Variants in ANO2 observed in about 807,000 individuals in gnomAD.
The protein encoded by ANO2 is anoctamin-2.
ANO2 carries 101 observed loss-of-function variants against 124.2 expected under a neutral mutation model. The observed-to-expected ratio is 0.81, with a 90% CI of 0.69 to 0.96. ANO2 has a LOEUF of 0.96. Among genes scored for constraint, ANO2 ranks in the 40% least tolerant of loss-of-function variants. The pLI, the probability that ANO2 is intolerant of heterozygous loss-of-function variation, is 0.00. For synonymous variants in ANO2, 486 were observed against 482.5 expected, an observed-to-expected ratio of 1.01 and a Z score of -0.09; for missense variants, 1,293 against 1,274.5, an observed-to-expected ratio of 1.01 and a Z score of -0.22.
At chr12:5,905,047 A>C (rs78789628) in intron 3 of ANO2, among the ~76,000 whole-genome samples, 8,016 of 152,296 alleles carry the variant, frequency 0.053, 682 homozygotes, top group African/African-American at 0.18. Flanking sequence ...AAGCTCAGAC[A>C]GCAGGAACCT....
rs752103754 is a variant in ANO2 at position 5,578,067 on chromosome 12, G to A, written c.2387-60C>T. ...CCGCCCTCGGCCCAGTGATGACAAC[G>A]CTGAAGCTCCAGGTGATGTTTTGCA... On this transcript the variant is annotated intron_variant, in intron 21 of 24. Transcript: ENST00000682330. 3.0e-5 allele frequency: 46 copies of A among 1,551,592 alleles called. No homozygotes were observed. In the East Asian group the frequency reaches 3.6e-4, roughly 12 times the overall value.
chr12:5,913,928 G>A (rs1024600880), intron 3 of ANO2, among the ~76,000 whole-genome samples: 3 of 152,242 alleles, frequency 2.0e-5, no homozygotes, highest in Admixed American at 1.3e-4. Context: ...CTGAGAAACA[G>A]TGGCAGCTGG....
chr12:5,945,846 C>T (rs909878670), upstream of ANO2, among the ~76,000 whole-genome samples: 9 of 152,020 alleles, frequency 5.9e-5, no homozygotes, highest in Admixed American at 5.2e-4. Flanking sequence ...GGAGGGGCTG[C>T]CAGAGGCAGG....
At chr12:5,841,311 C>G (rs2086599462) in intron 4 of ANO2, among the ~76,000 whole-genome samples, 1 of 152,222 alleles carries the variant, frequency 6.6e-6, no homozygotes, top group Non-Finnish European at 1.5e-5. Flanking sequence ...ACAGGGGCTG[C>G]CCATTCCCCT....
rs142620104 is a variant in ANO2, at chr12:5,768,163, C to A, written c.1056-17193G>T. Among the ~76,000 whole-genome samples the A allele has an allele frequency of 3.6e-3, 546 of 152,318 alleles. 2 individuals carry two copies. The highest frequency in any genetic ancestry group is 0.012 in the African/African-American group (484 of 41,572). On this transcript the variant is annotated intron_variant, in intron 10 of 24. Coordinates refer to ENST00000682330, the MANE Select transcript of ANO2 (RefSeq NM_001364791.2). ...TGCAAACACTGTGCCCTAGGATTCA[C>A]CCCAAAATATCTTTGTTCCTACCTC...
intron 7 of ANO2, among the ~76,000 whole-genome samples, chr12:5,825,255 G>A (rs566638011): frequency 6.6e-6 from 1 of 152,318 alleles, no homozygotes; most frequent in East Asian, 1.9e-4. Context: ...TGACAGAATG[G>A]TGGAATGGCC....
chr12:5,630,856 T>A (rs1248344722), intron 16 of ANO2, among the ~76,000 whole-genome samples: 1 of 152,196 alleles, frequency 6.6e-6, no homozygotes, highest in Non-Finnish European at 1.5e-5. Context: ...CTTTAACAAA[T>A]TTTCCAAGTT....
intron 16 of ANO2, among the ~76,000 whole-genome samples, chr12:5,618,734 A>G (rs1032547112): frequency 4.3e-4 from 65 of 152,180 alleles, no homozygotes; most frequent in Admixed American, 1.3e-4. Flanking sequence ...CACATTCATC[A>G]AGCACCAGCT....
intron 16 of ANO2, among the ~76,000 whole-genome samples, chr12:5,634,649 T>G (rs555650611): frequency 2.6e-5 from 4 of 152,322 alleles, no homozygotes; most frequent in Admixed American, 2.6e-4. Flanking sequence ...TATGCCTCTT[T>G]GAAGTCTACT....
At chr12:5,869,378 T>C (rs1955512577) in intron 3 of ANO2, among the ~76,000 whole-genome samples, 1 of 152,152 alleles carries the variant, frequency 6.6e-6, no homozygotes, top group African/African-American at 2.4e-5. Context: ...CTGAGCTCCA[T>C]GGGGACAAGG....
chr12:5,729,623 G>GA lies in ANO2; in HGVS notation c.1545+2896dup, dbSNP rs1950557326. On this transcript the variant is annotated intron_variant, in intron 14 of 24. Coordinates refer to ENST00000682330, the MANE Select transcript of ANO2 (RefSeq NM_001364791.2). ...GCAGTTCTTTAAAATGTTAAACATAGAGTTACCATATGACCCAGCAATTCT... is the reference window on the plus strand; with the variant it reads ...GCAGTTCTTTAAAATGTTAAACATAGAAGTTACCATATGACCCAGCAATTCT... Among the ~76,000 whole-genome samples the GA allele has an allele frequency of 3.3e-5, 5 of 151,696 alleles. No individual in the cohort carries two copies. The South Asian group carries it at 1.0e-3, about 31-fold the overall frequency.
upstream of ANO2, chr12:5,946,072 A>G: frequency 6.5e-7 from 1 of 1,540,576 alleles, no homozygotes; most frequent in Non-Finnish European, 9.0e-7. This position sits in a 1 kb window ranked among gnomAD's most constrained non-coding sequence, Gnocchi z 4.1. Context: ...CAGAAGTAAA[A>G]CAAGTTCATT....
At chr12:5,764,689 G>A (rs1363985353) in intron 10 of ANO2, among the ~76,000 whole-genome samples, 2 of 152,026 alleles carry the variant, frequency 1.3e-5, no homozygotes, top group Middle Eastern at 3.4e-3. Context: ...ATCACCATTC[G>A]CCCCCAGCCC....
intron 16 of ANO2, among the ~76,000 whole-genome samples, chr12:5,628,059 C>A (rs970481666): frequency 6.6e-6 from 1 of 152,174 alleles, no homozygotes; most frequent in Non-Finnish European, 1.5e-5. Flanking sequence ...ATGACCATGC[C>A]GCTGCACCCC....
intron 9 of ANO2, among the ~76,000 whole-genome samples, chr12:5,802,323 A>G (rs1953066691): frequency 6.6e-6 from 1 of 152,232 alleles, no homozygotes; most frequent in Admixed American, 6.5e-5. Context: ...GGCTTGATAC[A>G]GAAAAGCTAG....
intron 12 of ANO2, chr12:5,739,777 C>A: frequency 2.4e-6 from 1 of 421,148 alleles, no homozygotes; most frequent in South Asian, 1.8e-5. Context: ...TACATTCTTT[C>A]CTCCTTCACC....
At chr12:5,756,297 G>T (rs2137100009) in intron 10 of ANO2, among the ~76,000 whole-genome samples, 1 of 151,994 alleles carries the variant, frequency 6.6e-6, no homozygotes, top group Middle Eastern at 3.4e-3. Flanking sequence ...TTCTCTTGCA[G>T]CTCATTTAAG....
At position 5,726,715 on chromosome 12, in the gene ANO2, A is replaced by G. The variant is rs73048227; in HGVS notation, c.1545+5805T>C. ...TACTTATAATTTTATCATTATTAAC[A>G]TCCTCCTATGCCCACATCCTTGAAA... On this transcript the variant is annotated intron_variant, in intron 14 of 24. Transcript: ENST00000682330. Among the ~76,000 whole-genome samples, 1,332 of 152,356 alleles carry G rather than the reference A, an allele frequency of 8.7e-3. 6 individuals carry two copies. Among genetic ancestry groups the G allele is most frequent in the Non-Finnish European group, 0.015 (1,042 of 68,034 alleles).
intron 20 of ANO2, among the ~76,000 whole-genome samples, chr12:5,581,845 A>T (rs1942774018): frequency 6.6e-6 from 1 of 152,160 alleles, no homozygotes; most frequent in Non-Finnish European, 1.5e-5. Context: ...CTCTCTGCAG[A>T]CGCCCCATTG....
Sources: gnomAD v4.1 joint callset for allele counts (sites outside exome capture counted in the v4.1 genomes callset) on GRCh38, gnomAD v4.1.1 for gene constraint, Gnocchi (gnomAD v3.1) non-coding constraint, MANE v1.5 for transcripts, NCBI Gene and HGNC (gene_info 2026-07-23, HGNC 2026-07-21) for gene names.